The following CNTN4 variants were observed in gnomAD, a reference collection of about 807,000 sequenced individuals.
CNTN4 encodes contactin 4, also known as contactin-4.
CNTN4 carries 77 observed loss-of-function variants against 122.5 expected under a neutral mutation model. That is an observed-to-expected ratio of 0.63 (90% CI 0.52 to 0.76). The LOEUF is 0.76. Ranked by LOEUF, CNTN4 falls within the 30% of genes least tolerant of loss-of-function variation. The pLI is 0.00. For missense variants in CNTN4, 1,256 were observed against 1,259.1 expected (o/e 1.00, Z 0.04); for synonymous variants, 512 against 447.0 (o/e 1.15, Z -1.83).
At chr3:2,355,676 C>T (rs189603514) in intron 3 of CNTN4, among the ~76,000 whole-genome samples, 4 of 152,198 alleles carry the variant, frequency 2.6e-5, no homozygotes, top group East Asian at 1.9e-4. Context: ...TGTATTCAGT[C>T]GATACTGGCC....
At chr3:2,423,959 G>GAGGGATAGC (rs1553645467) in intron 3 of CNTN4, among the ~76,000 whole-genome samples, 38,044 of 39,224 alleles carry the variant, frequency 0.97, 18,728 homozygotes, top group Middle Eastern at 1. Flanking sequence ...GGTTTTTTTT[G>GAGGGATAGC]ATTAGGCAAC....
At chr3:2,905,719 C>T (rs2094223202) in intron 12 of CNTN4, among the ~76,000 whole-genome samples, 1 of 152,148 alleles carries the variant, frequency 6.6e-6, no homozygotes, top group African/African-American at 2.4e-5. Flanking sequence ...TTATTTAGGC[C>T]AAACAAGTTG....
intron 7 of CNTN4, among the ~76,000 whole-genome samples, chr3:2,865,999 T>C (rs773325337): frequency 3.9e-5 from 6 of 152,146 alleles, no homozygotes; most frequent in Non-Finnish European, 8.8e-5. Flanking sequence ...TTAATATGGA[T>C]GTATATTTGT....
intron 2 of CNTN4, among the ~76,000 whole-genome samples, chr3:2,224,492 G>A (rs2039190178): frequency 6.6e-6 from 1 of 152,088 alleles, no homozygotes; most frequent in Non-Finnish European, 1.5e-5. Flanking sequence ...AATTCTACCT[G>A]GGTCCTTTCC....
chr3:2,244,272 A>G (rs774098642), intron 2 of CNTN4, among the ~76,000 whole-genome samples: 1 of 152,238 alleles, frequency 6.6e-6, no homozygotes, highest in East Asian at 1.9e-4. Context: ...ATCTCAAAAT[A>G]TCTTATTATA....
At chr3:2,136,902 A>G (rs999841800) in intron 2 of CNTN4, among the ~76,000 whole-genome samples, 2 of 152,224 alleles carry the variant, frequency 1.3e-5, no homozygotes, top group African/African-American at 4.8e-5. Flanking sequence ...TATTAGTTTG[A>G]ATAACTGGTT....
intron 3 of CNTN4, among the ~76,000 whole-genome samples, chr3:2,441,350 T>C (rs1445400971): frequency 6.6e-6 from 1 of 152,202 alleles, no homozygotes. Flanking sequence ...AGGTATCTTA[T>C]TTAAGCCTCC....
At chr3:2,749,154 A>C (rs1202368954) in intron 6 of CNTN4, among the ~76,000 whole-genome samples, 2 of 151,668 alleles carry the variant, frequency 1.3e-5, no homozygotes, top group Admixed American at 1.3e-4. Flanking sequence ...TATTTCACTT[A>C]CCAGAATTTT....
At chr3:2,457,045 C>T (rs887088494) in intron 3 of CNTN4, among the ~76,000 whole-genome samples, 4 of 152,004 alleles carry the variant, frequency 2.6e-5, no homozygotes, top group East Asian at 1.9e-4. Context: ...TATTGGGTCA[C>T]GCTGAGATTA....
At chr3:2,201,553 G>A (rs1235945376) in intron 2 of CNTN4, among the ~76,000 whole-genome samples, 1 of 152,024 alleles carries the variant, frequency 6.6e-6, no homozygotes, top group Non-Finnish European at 1.5e-5. Flanking sequence ...TTAAACATTT[G>A]CCAAAGTATT....
intron 6 of CNTN4, among the ~76,000 whole-genome samples, chr3:2,766,014 CA>C (rs1459247083): frequency 6.6e-6 from 1 of 152,142 alleles, no homozygotes; most frequent in Non-Finnish European, 1.5e-5. Flanking sequence ...ATAGCATTTC[CA>C]AATGAATCCT....
intron 3 of CNTN4, among the ~76,000 whole-genome samples, chr3:2,408,207 T>A (rs933210336): frequency 6.6e-6 from 1 of 152,188 alleles, no homozygotes; most frequent in Admixed American, 6.5e-5. Context: ...TCCTGAGACC[T>A]ACATATCCCT....
chr3:3,040,472 C>A, intron 20 of CNTN4: 1 of 604,436 alleles, frequency 1.7e-6, no homozygotes, highest in East Asian at 2.9e-5. Context: ...TATATGAAAA[C>A]ACTTGGCTGT....
chr3:2,746,804 T>C (rs1197142670), intron 6 of CNTN4, among the ~76,000 whole-genome samples: 2 of 152,252 alleles, frequency 1.3e-5, no homozygotes, highest in East Asian at 3.8e-4. Context: ...TGTTAGTGAA[T>C]GTCTCTTGAG....
intron 10 of CNTN4, among the ~76,000 whole-genome samples, chr3:2,899,226 AT>A (rs1213362199): frequency 6.6e-6 from 1 of 152,248 alleles, no homozygotes; most frequent in East Asian, 1.9e-4. Flanking sequence ...TTTGTTTATT[AT>A]TGAAAAGGTG....
intron 3 of CNTN4, among the ~76,000 whole-genome samples, chr3:2,514,921 C>T (rs1313413114): frequency 6.6e-6 from 1 of 151,808 alleles, no homozygotes; most frequent in South Asian, 2.1e-4. Context: ...TCCCTTCCCT[C>T]CATCTTCTGC....
intron 2 of CNTN4, among the ~76,000 whole-genome samples, chr3:2,204,611 T>C (rs972398941): frequency 2.6e-5 from 4 of 152,180 alleles, no homozygotes; most frequent in Non-Finnish European, 5.9e-5. Flanking sequence ...ACAATTAACT[T>C]ATAAATCTTT....
At chr3:2,447,003 T>G (rs2048650145) in intron 3 of CNTN4, among the ~76,000 whole-genome samples, 1 of 152,212 alleles carries the variant, frequency 6.6e-6, no homozygotes, top group African/African-American at 2.4e-5. Context: ...GCAAAGTTGC[T>G]TATGCAACAA....
chr3:2,659,460 C>CAAAAAAAAAAAA (rs59025670), intron 4 of CNTN4, among the ~76,000 whole-genome samples: 6 of 53,914 alleles, frequency 1.1e-4, no homozygotes, highest in Non-Finnish European at 2.3e-4. Context: ...GACTCCATCT[C>CAAAAAAAAAAAA]AAAAAAAAAA....
Sources: allele counts gnomAD v4.1 joint callset (sites outside exome capture counted in the v4.1 genomes callset), GRCh38; gene constraint gnomAD v4.1.1; transcripts MANE v1.5; gene names NCBI Gene and HGNC (gene_info 2026-07-23, HGNC 2026-07-21).